The following TBC1D5 variants were observed in gnomAD, a reference collection of about 807,000 sequenced individuals.
TBC1D5 encodes TBC1 domain family, member 5.
TBC1D5 carries 75 observed loss-of-function variants against 100.3 expected under a neutral mutation model. The ratio of observed to expected loss-of-function variants is 0.75; its 90% CI spans 0.62 to 0.91. The LOEUF is 0.91. Among genes scored for constraint, TBC1D5 ranks in the 40% least tolerant of loss-of-function variants. The probability of loss-of-function intolerance (pLI) is 0.00; values close to 1 mark genes in which losing one functional copy is unlikely to be tolerated. For synonymous variants in TBC1D5, 323 were observed against 325.6 expected (o/e 0.99, Z 0.09); for missense variants, 910 against 942.4 (o/e 0.97, Z 0.45).
chr3:17,508,052 T>G (rs541718938), intron 3 of TBC1D5, among the ~76,000 whole-genome samples: 18 of 151,872 alleles, frequency 1.2e-4, no homozygotes, highest in African/African-American at 4.3e-4. Flanking sequence ...TTCAATTACT[T>G]TAAAAAAAAA....
chr3:17,631,267 C>A (rs544921841), intron 1 of TBC1D5, among the ~76,000 whole-genome samples: 1 of 152,196 alleles, frequency 6.6e-6, no homozygotes, highest in African/African-American at 2.4e-5. Context: ...CAGAGAAAAG[C>A]CCTAATTCTC....
chr3:17,388,722 G>GT (rs1307402981), intron 8 of TBC1D5, among the ~76,000 whole-genome samples: 2 of 151,778 alleles, frequency 1.3e-5, no homozygotes, highest in Admixed American at 1.3e-4. Context: ...AATTAGCTGG[G>GT]TATGATGGCA....
intron 4 of TBC1D5, among the ~76,000 whole-genome samples, chr3:17,409,294 T>C (rs1218592466): frequency 6.6e-6 from 1 of 152,134 alleles, no homozygotes; most frequent in Non-Finnish European, 1.5e-5. Context: ...ATTGTAACTG[T>C]TATGAAGCAA....
At chr3:17,264,263 A>G (rs2078636112) in intron 15 of TBC1D5, among the ~76,000 whole-genome samples, 1 of 152,122 alleles carries the variant, frequency 6.6e-6, no homozygotes, top group Non-Finnish European at 1.5e-5. Context: ...CCTTCTACTG[A>G]GTCTAGAGAA....
At chr3:17,442,353 T>A (rs73161452) in intron 3 of TBC1D5, among the ~76,000 whole-genome samples, 3,069 of 152,312 alleles carry the variant, frequency 0.02, 104 homozygotes, top group African/African-American at 0.069. Flanking sequence ...GCTACCCTTT[T>A]GATAAGAAAA....
intron 2 of TBC1D5, among the ~76,000 whole-genome samples, chr3:17,510,789 A>T (rs112818718): frequency 3.9e-5 from 6 of 152,148 alleles, no homozygotes; most frequent in African/African-American, 1.4e-4. Flanking sequence ...AACTAGTCTA[A>T]ATGTTTCATG....
chr3:17,620,529 C>T (rs1454795981), intron 2 of TBC1D5, among the ~76,000 whole-genome samples: 2 of 152,054 alleles, frequency 1.3e-5, no homozygotes, highest in Non-Finnish European at 2.9e-5. Flanking sequence ...GATACTGATA[C>T]ATGAAAAAAG....
At chr3:17,492,073 T>A (rs2095646195) in intron 3 of TBC1D5, among the ~76,000 whole-genome samples, 1 of 152,218 alleles carries the variant, frequency 6.6e-6, no homozygotes, top group Non-Finnish European at 1.5e-5. Context: ...ATTTTCTGGT[T>A]TATTTGCATA....
intron 1 of TBC1D5, among the ~76,000 whole-genome samples, chr3:17,676,015 CAAGA>C (rs1252811828): frequency 1.3e-5 from 2 of 152,010 alleles, no homozygotes; most frequent in Admixed American, 6.6e-5. Context: ...TTAAATGCAT[CAAGA>C]AAGATTCTCC....
At chr3:17,200,658 C>T (rs1412852137) in intron 18 of TBC1D5, among the ~76,000 whole-genome samples, 8 of 152,210 alleles carry the variant, frequency 5.3e-5, no homozygotes, top group Admixed American at 3.3e-4. Flanking sequence ...GGGAAATTGT[C>T]ATCTTAAATA....
intron 17 of TBC1D5, among the ~76,000 whole-genome samples, chr3:17,225,662 T>TA (rs2148762789): frequency 6.6e-6 from 1 of 152,006 alleles, no homozygotes; most frequent in Non-Finnish European, 1.5e-5. Context: ...TGCGTGCCTG[T>TA]AGTCCACTCA....
chr3:17,278,458 T>C (rs2149834284), intron 15 of TBC1D5, among the ~76,000 whole-genome samples: 1 of 152,318 alleles, frequency 6.6e-6, no homozygotes. Flanking sequence ...TATTAGAAAA[T>C]ATATGCACAA....
chr3:17,547,790 T>C (rs2096433087), intron 2 of TBC1D5, among the ~76,000 whole-genome samples: 1 of 152,214 alleles, frequency 6.6e-6, no homozygotes, highest in South Asian at 2.1e-4. Context: ...TTTCATGATA[T>C]AATTCTGTTT....
At chr3:17,676,796 A>G (rs1482841390) in intron 1 of TBC1D5, among the ~76,000 whole-genome samples, 2 of 152,216 alleles carry the variant, frequency 1.3e-5, no homozygotes, top group Admixed American at 1.3e-4. Flanking sequence ...ACTGGTACCA[A>G]AACAGAGATA....
chr3:17,550,652 T>C (rs1211227788), intron 2 of TBC1D5, among the ~76,000 whole-genome samples: 1 of 152,076 alleles, frequency 6.6e-6, no homozygotes, highest in East Asian at 1.9e-4. Context: ...ACAATTAAAA[T>C]TATGGTAAAA....
At chr3:17,167,058 T>C (rs1253222442) in intron 20 of TBC1D5, 130 bp from the exon 22 acceptor site, 1 of 910,588 alleles carries the variant, frequency 1.1e-6, no homozygotes, top group East Asian at 2.9e-5. Context: ...ATTAATATTT[T>C]ACTATAAGAA....
At chr3:17,200,284 G>T (rs1368580138) in intron 18 of TBC1D5, among the ~76,000 whole-genome samples, 1 of 152,148 alleles carries the variant, frequency 6.6e-6, no homozygotes, top group African/African-American at 2.4e-5. Flanking sequence ...ATAGTTCAGG[G>T]GTCCCCAAAC....
intron 1 of TBC1D5, among the ~76,000 whole-genome samples, chr3:17,727,035 C>A (rs560698581): frequency 6.6e-6 from 1 of 152,100 alleles, no homozygotes; most frequent in Non-Finnish European, 1.5e-5. Context: ...ATATGTATAA[C>A]GGCTGTGGAA....
At chr3:17,503,175 T>C (rs746779417) in intron 3 of TBC1D5, among the ~76,000 whole-genome samples, 28 of 149,656 alleles carry the variant, frequency 1.9e-4, no homozygotes, top group Non-Finnish European at 3.7e-4. Flanking sequence ...TCATTCTACT[T>C]TTGAACTCTA....
Sources: gnomAD v4.1 joint callset for allele counts (sites outside exome capture counted in the v4.1 genomes callset) on GRCh38, gnomAD v4.1.1 for gene constraint, MANE v1.5 for transcripts, NCBI Gene and HGNC (gene_info 2026-07-23, HGNC 2026-07-21) for gene names.